Variants in LGSN observed in about 807,000 individuals in gnomAD.
LGSN encodes lengsin, lens protein with glutamine synthetase domain.
Under a neutral mutation model 19.5 loss-of-function variants are expected in LGSN, and 21 were observed. The observed-to-expected ratio is 1.07, with a 90% CI of 0.76 to 1.55. The LOEUF is 1.55. LGSN is among the 40% of genes most tolerant of loss of function. LGSN has a pLI of 0.00. For synonymous variants in LGSN, 257 were observed against 215.6 expected (o/e 1.19, Z -1.68); for missense variants, 673 against 608.5 (o/e 1.11, Z -1.12).
At chr6:63,544,976 G>C in the LGSN span, among the ~76,000 whole-genome samples, 1 of 152,076 alleles carries the variant, frequency 6.6e-6, no homozygotes, top group African/African-American at 2.4e-5. Context: ...TCATGCACTA[G>C]TTTTATCATC....
chr6:63,311,440 C>A (rs1768624203), intron 1 of LGSN, among the ~76,000 whole-genome samples: 1 of 152,198 alleles, frequency 6.6e-6, no homozygotes, highest in Admixed American at 6.5e-5. Context: ...CAGCCTTCAT[C>A]TTCAACATTG....
rs2127378447 is a variant in LGSN, at chr6:63,277,194, A to G, written c.*2827T>C. On this transcript the variant is annotated 3_prime_UTR_variant, in exon 4 of 4. Transcript: ENST00000370657. ...GCGAAAGGGGAAAAAACGGCTTCAAACACTGTGATTATCAGACTTTTTACA... is the reference window on the plus strand; with the variant it reads ...GCGAAAGGGGAAAAAACGGCTTCAAGCACTGTGATTATCAGACTTTTTACA... 6.6e-6 allele frequency: 1 copy of G among 152,344 alleles called. No homozygotes were observed. The highest frequency in any genetic ancestry group is 1.5e-5 in the Non-Finnish European group (1 of 68,016). 9.4% of individuals were successfully genotyped at this position (152,344 alleles called of 1,614,324 possible). A position where few individuals can be genotyped will look rare whatever the true frequency, so the allele number is the denominator to read the frequency against.
chr6:63,365,620 C>A, the LGSN span, among the ~76,000 whole-genome samples: 2 of 151,876 alleles, frequency 1.3e-5, no homozygotes, highest in South Asian at 4.1e-4. Flanking sequence ...CAAAGTCTGG[C>A]AGAGACACAA....
chr6:63,309,946 T>C (rs767706160), intron 1 of LGSN, among the ~76,000 whole-genome samples: 1 of 152,238 alleles, frequency 6.6e-6, no homozygotes, highest in Non-Finnish European at 1.5e-5. Flanking sequence ...TTTGGTTTTG[T>C]TATTTCTTTG....
the LGSN span, among the ~76,000 whole-genome samples, chr6:63,433,336 A>T: frequency 1.3e-5 from 2 of 152,200 alleles, no homozygotes; most frequent in Non-Finnish European, 2.9e-5. Flanking sequence ...TATTTCTTAT[A>T]GCTATACTAT....
chr6:63,541,315 G>A, the LGSN span, among the ~76,000 whole-genome samples: 1 of 152,082 alleles, frequency 6.6e-6, no homozygotes, highest in African/African-American at 2.4e-5. Context: ...AAAGGTTTGG[G>A]AGGTCAAGGC....
chr6:63,329,702 A>G, the LGSN span, among the ~76,000 whole-genome samples: 1 of 152,162 alleles, frequency 6.6e-6, no homozygotes, highest in Non-Finnish European at 1.5e-5. Context: ...TTCCTCCTCA[A>G]GTAGGGGACA....
chr6:63,364,345 T>C, the LGSN span, among the ~76,000 whole-genome samples: 2 of 152,014 alleles, frequency 1.3e-5, no homozygotes. Flanking sequence ...AAGGAGGCCA[T>C]TACATAATGG....
chr6:63,536,238 G>C, the LGSN span, among the ~76,000 whole-genome samples: 1 of 152,172 alleles, frequency 6.6e-6, no homozygotes, highest in African/African-American at 2.4e-5. Flanking sequence ...GCTGAGGCAG[G>C]AGAATCGCTC....
At chr6:63,333,490 C>CGAAAGAACAAAAGAAT in the LGSN span, among the ~76,000 whole-genome samples, 2 of 136,688 alleles carry the variant, frequency 1.5e-5, no homozygotes, top group Non-Finnish European at 3.1e-5. Context: ...AAAGAAGGAA[C>CGAAAGAACAAAAGAAT]GAAAGAACAA....
chr6:63,433,217 C>T, the LGSN span, among the ~76,000 whole-genome samples: 1 of 152,146 alleles, frequency 6.6e-6, no homozygotes, highest in African/African-American at 2.4e-5. Context: ...TAATAATAAT[C>T]AGCCTCTGTC....
At chr6:63,298,795 A>C (rs1768080319) in intron 1 of LGSN, among the ~76,000 whole-genome samples, 3 of 152,208 alleles carry the variant, frequency 2.0e-5, no homozygotes, top group Admixed American at 2.0e-4. Flanking sequence ...TTAAAAATGA[A>C]GGCTCCCAAA....
At chr6:63,477,442 C>A in the LGSN span, among the ~76,000 whole-genome samples, 1 of 152,030 alleles carries the variant, frequency 6.6e-6, no homozygotes, top group South Asian at 2.1e-4. Flanking sequence ...GATGAAATTG[C>A]TGTATCTTCT....
At chr6:63,288,534 C>A (rs1767638253) in intron 2 of LGSN, among the ~76,000 whole-genome samples, 1 of 151,612 alleles carries the variant, frequency 6.6e-6, no homozygotes, top group Non-Finnish European at 1.5e-5. Context: ...ACAGCTCTAA[C>A]CCTTGATTAA....
chr6:63,521,334 T>C, the LGSN span, among the ~76,000 whole-genome samples: 1 of 152,190 alleles, frequency 6.6e-6, no homozygotes, highest in Non-Finnish European at 1.5e-5. Flanking sequence ...TAGCATAAAG[T>C]GAGTCAACAT....
chr6:63,328,277 T>C, the LGSN span, among the ~76,000 whole-genome samples: 2 of 152,196 alleles, frequency 1.3e-5, no homozygotes, highest in African/African-American at 2.4e-5. Context: ...TTCTAAGAGA[T>C]CATCTTGGGC....
the LGSN span, among the ~76,000 whole-genome samples, chr6:63,450,295 A>G: frequency 6.6e-5 from 10 of 151,742 alleles, no homozygotes; most frequent in African/African-American, 2.4e-4. Context: ...CTGGGAGGCA[A>G]AGGTTGCAGT....
At chr6:63,354,787 T>C in the LGSN span, among the ~76,000 whole-genome samples, 1 of 152,254 alleles carries the variant, frequency 6.6e-6, no homozygotes, top group East Asian at 1.9e-4. Flanking sequence ...CACAATGGAA[T>C]ACTATTTAGC....
the LGSN span, among the ~76,000 whole-genome samples, chr6:63,456,634 A>G: frequency 1.3e-5 from 2 of 151,898 alleles, no homozygotes; most frequent in Non-Finnish European, 2.9e-5. Context: ...ACTGCCCCTC[A>G]TACTCAATAG....
Sources: allele counts gnomAD v4.1 joint callset (sites outside exome capture counted in the v4.1 genomes callset), GRCh38; gene constraint gnomAD v4.1.1; transcripts MANE v1.5; gene names NCBI Gene and HGNC (gene_info 2026-07-23, HGNC 2026-07-21).